Variants in DIS3L2 observed in about 807,000 individuals in gnomAD.
DIS3L2 encodes the protein DIS3 like 3'-5' exoribonuclease 2, also known as DIS3-like exonuclease 2.
Under a neutral mutation model 97.5 loss-of-function variants are expected in DIS3L2, and 34 were observed. That is an observed-to-expected ratio of 0.35 (90% CI 0.27 to 0.46). The LOEUF (loss-of-function observed/expected upper bound fraction) is 0.46. Among genes scored for constraint, DIS3L2 ranks in the 20% least tolerant of loss-of-function variants. DIS3L2 has a pLI of 1.00. For missense variants in DIS3L2, 1,038 were observed against 1,146.0 expected, an observed-to-expected ratio of 0.91 and a Z score of 1.36; for synonymous variants, 435 against 445.2, an observed-to-expected ratio of 0.98 and a Z score of 0.29.
intron 1 of DIS3L2, among the ~76,000 whole-genome samples, chr2:231,996,618 A>T (rs1247443098): frequency 1.3e-5 from 2 of 152,204 alleles, no homozygotes; most frequent in Non-Finnish European, 2.9e-5. Flanking sequence ...TATTTTTTGT[A>T]CATTTGCCGT....
chr2:232,295,577 A>G (rs903374502), intron 13 of DIS3L2, among the ~76,000 whole-genome samples: 10 of 152,164 alleles, frequency 6.6e-5, no homozygotes, highest in Admixed American at 1.3e-4. Flanking sequence ...AGTCTCTGTC[A>G]TCTTTAAATA....
At chr2:232,189,003 A>AT (rs1447488650) in intron 9 of DIS3L2, among the ~76,000 whole-genome samples, 2 of 152,222 alleles carry the variant, frequency 1.3e-5, no homozygotes, top group African/African-American at 2.4e-5. Flanking sequence ...TGCAAATTAA[A>AT]TTCACAATAT....
At chr2:232,270,896 CTCTCTCTCTCTCTCTCTCT>C (rs1693984245) in intron 13 of DIS3L2, among the ~76,000 whole-genome samples, 1 of 144,464 alleles carries the variant, frequency 6.9e-6, no homozygotes, top group African/African-American at 2.8e-5. Context: ...CTCTCTCTCT[CTCTCTCTCTCTCTCTCTCT>C]GTCTCGTCTC....
At chr2:232,156,176 C>T (rs1226055952) in intron 8 of DIS3L2, among the ~76,000 whole-genome samples, 2 of 152,128 alleles carry the variant, frequency 1.3e-5, no homozygotes, top group African/African-American at 2.4e-5. Context: ...CAAGATTTTA[C>T]TCTATGATCC....
At chr2:231,980,710 A>G (rs116763914) in intron 1 of DIS3L2, among the ~76,000 whole-genome samples, 17,224 of 150,852 alleles carry the variant, frequency 0.11, 1,229 homozygotes, top group African/African-American at 0.2. Context: ...GAGAGAGAGA[A>G]AAAAAAAAGA....
At chr2:232,311,726 C>G (rs1392362567) in intron 14 of DIS3L2, among the ~76,000 whole-genome samples, 1 of 152,158 alleles carries the variant, frequency 6.6e-6, no homozygotes, top group Non-Finnish European at 1.5e-5. Flanking sequence ...ACTATATTCT[C>G]TTTTGTGCCC....
At position 232,325,546 on chromosome 2, in the gene DIS3L2, G is replaced by A. The variant is rs1695547858; in HGVS notation, c.1740-4267G>A. Among the ~76,000 whole-genome samples the A allele has an allele frequency of 6.6e-6, 1 of 152,180 alleles. No homozygotes were observed. Among genetic ancestry groups the A allele is most frequent in the South Asian group, 2.1e-4 (1 of 4,834 alleles). On this transcript the variant is annotated intron_variant, in intron 14 of 20. Transcript: ENST00000325385. The surrounding 1 kb of genome is among the most constrained non-coding windows in gnomAD (Gnocchi z 4.6). ...CAGAACCAGGGAGGAGAGGTGCTGG[G>A]AGTGAGTGCCGAGGAGCTGGGGTCC... is the stretch of plus-strand genomic sequence containing the variant.
intron 1 of DIS3L2, among the ~76,000 whole-genome samples, chr2:231,995,551 C>T (rs972469374): frequency 2.0e-5 from 3 of 152,156 alleles, no homozygotes; most frequent in Admixed American, 6.5e-5. Context: ...AACCTTTCTA[C>T]ATTTTGTATC....
intron 6 of DIS3L2, among the ~76,000 whole-genome samples, chr2:232,105,800 G>A (rs972740326): frequency 2.0e-5 from 3 of 152,174 alleles, no homozygotes; most frequent in Admixed American, 2.0e-4. Flanking sequence ...CTCCCAACAT[G>A]TCAGTCGCTA....
At chr2:232,072,208 T>C (rs1240565044) in intron 5 of DIS3L2, among the ~76,000 whole-genome samples, 1 of 152,054 alleles carries the variant, frequency 6.6e-6, no homozygotes, top group East Asian at 1.9e-4. Flanking sequence ...GGGAAAGATA[T>C]AATAATATTA....
At chr2:232,250,972 G>A (rs906332550) in intron 12 of DIS3L2, among the ~76,000 whole-genome samples, 2 of 152,170 alleles carry the variant, frequency 1.3e-5, no homozygotes, top group Admixed American at 6.5e-5. Context: ...AGCTTCACCC[G>A]CACAATCAGA....
intron 1 of DIS3L2, among the ~76,000 whole-genome samples, chr2:231,984,532 G>A (rs1246366180): frequency 1.3e-4 from 19 of 151,352 alleles, no homozygotes; most frequent in Admixed American, 3.3e-4. Flanking sequence ...GACTACAGGC[G>A]CCTGCTACCA....
intron 13 of DIS3L2, among the ~76,000 whole-genome samples, chr2:232,285,829 G>A (rs982337221): frequency 1.3e-5 from 2 of 152,114 alleles, no homozygotes; most frequent in Non-Finnish European, 2.9e-5. Flanking sequence ...TGCTTATCAC[G>A]GGGCCCTGCA....
At chr2:232,029,872 C>A in intron 4 of DIS3L2, 107 bp from the exon 5 acceptor site, 1 of 777,020 alleles carries the variant, frequency 1.3e-6, no homozygotes. Context: ...AAAGGATAAC[C>A]TAAGAATAAC....
At chr2:232,255,450 A>G (rs1031662584) in intron 12 of DIS3L2, among the ~76,000 whole-genome samples, 9 of 152,242 alleles carry the variant, frequency 5.9e-5, no homozygotes, top group African/African-American at 1.7e-4. Flanking sequence ...ATGGTCAGCT[A>G]TAGAAAGATT....
At chr2:231,965,921 C>A (rs184542002) in intron 1 of DIS3L2, among the ~76,000 whole-genome samples, 2 of 151,490 alleles carry the variant, frequency 1.3e-5, no homozygotes, top group Non-Finnish European at 2.9e-5. Flanking sequence ...TGGGCTCAGG[C>A]GATCCTCCTG....
rs769013964 is a variant in DIS3L2 at position 232,163,581 on chromosome 2, G to A, written c.1073G>A (p.Gly358Asp). 3.7e-6 allele frequency: 6 copies of A among 1,614,014 alleles called. No individual in the cohort carries two copies. The highest frequency in any genetic ancestry group is 3.3e-5 in the South Asian group (3 of 91,074). The change falls in exon 9 of 21, where the codon GGC (glycine) becomes GAC (aspartate). Residue 358 changes from glycine to aspartate, a missense_variant. By Grantham distance (94) the Gly-to-Asp change is moderately conservative. Coordinates refer to ENST00000325385, the MANE Select transcript of DIS3L2 (RefSeq NM_152383.5). ...GAAGTTCTAGAATGTCTTCCTCAAGGCCTGCCATGGACAATTCCACCAGAG... is the reference window on the plus strand; with the variant it reads ...GAAGTTCTAGAATGTCTTCCTCAAGACCTGCCATGGACAATTCCACCAGAG... ...SSEVLECLPQ[G>D]LPWTIPPEEF...
At chr2:232,333,091 T>G (rs1049406709) in intron 16 of DIS3L2, among the ~76,000 whole-genome samples, 2 of 149,014 alleles carry the variant, frequency 1.3e-5, no homozygotes, top group Non-Finnish European at 3.0e-5. Context: ...GCAGGCGGCC[T>G]CCTCCTCTTC....
At chr2:232,182,477 A>G (rs1258038923) in intron 9 of DIS3L2, among the ~76,000 whole-genome samples, 1 of 151,938 alleles carries the variant, frequency 6.6e-6, no homozygotes, top group Non-Finnish European at 1.5e-5. Flanking sequence ...TTTCTTGTTT[A>G]TCTTTTGTTT....
Sources: gnomAD v4.1 joint callset for allele counts (sites outside exome capture counted in the v4.1 genomes callset) on GRCh38, gnomAD v4.1.1 for gene constraint, Gnocchi (gnomAD v3.1) non-coding constraint, MANE v1.5 for transcripts, NCBI Gene and HGNC (gene_info 2026-07-23, HGNC 2026-07-21) for gene names.